SEPTIN8: variants seen among roughly 807,000 people sequenced by gnomAD.
SEPTIN8 encodes septin 8.
In SEPTIN8, 22 loss-of-function variants were observed where a neutral mutation model predicts 53.1. That is an observed-to-expected ratio of 0.41 (90% CI 0.30 to 0.59). SEPTIN8 has a LOEUF of 0.59. SEPTIN8 is among the 20% of genes least tolerant of loss of function. The pLI, the probability that SEPTIN8 is intolerant of heterozygous loss-of-function variation, is 0.24. For missense variants in SEPTIN8, 536 were observed against 638.7 expected, an observed-to-expected ratio of 0.84 and a Z score of 1.73; for synonymous variants, 228 against 248.4, an observed-to-expected ratio of 0.92 and a Z score of 0.77.
chr5:132,775,033 C>G (rs1757659387), intron 1 of SEPTIN8, among the ~76,000 whole-genome samples: 1 of 152,186 alleles, frequency 6.6e-6, no homozygotes. Context: ...GCTGACAGCC[C>G]AAAGTGCAGA....
At position 132,762,518 on chromosome 5, in the gene SEPTIN8, T is replaced by A; in HGVS notation, c.662A>T (p.Asp221Val). ...TGCGTTAATCTCTGCAACAGCCTCA[T>A]CATCCGTGGGGAACTGGTAGATCTG... ...GVQIYQFPTD[D>V]EAVAEINAVM... The change falls in exon 5 of 10, where the codon GAT (aspartate) becomes GTT (valine). Residue 221 changes from aspartate to valine, a missense_variant. Asp to Val is a radical substitution (Grantham distance 152). This residue lies in a region of SEPTIN8 where 395 missense variants were observed against 451.8 expected (regional missense o/e 0.87). Transcript: ENST00000378719. The A allele has an allele frequency of 6.2e-7, 1 of 1,614,246 alleles. No individual in the cohort carries two copies.
Position 132,777,014 on chromosome 5 carries a change from C to T in SEPTIN8, c.30+94G>A. 3.7e-6 allele frequency: 3 copies of T among 821,028 alleles called. No homozygotes were observed. Among genetic ancestry groups the T allele is most frequent in the Non-Finnish European group, 4.7e-6 (3 of 642,284 alleles). 50.9% of individuals were successfully genotyped at this position (821,028 alleles called of 1,614,324 possible). ...GGTGTCGAGGCCCGGCCGTGAGGCG[C>T]TGACAGCCCGCTTCGCGCCCCCCGC... On this transcript the variant is annotated intron_variant, in intron 1 of 9. Transcript: ENST00000378719. The surrounding 1 kb of genome is among the most constrained non-coding windows in gnomAD (Gnocchi z 4.1).
chr5:132,759,839 G>C (rs748837884), intron 9 of SEPTIN8, among the ~76,000 whole-genome samples: 15 of 152,182 alleles, frequency 9.9e-5, no homozygotes, highest in Non-Finnish European at 1.6e-4. Flanking sequence ...GGGTGGGCGA[G>C]GGTGAGCCCC....
At chr5:132,757,052 CT>C in intron 9 of SEPTIN8, 1 of 985,394 alleles carries the variant, frequency 1.0e-6, no homozygotes, top group Non-Finnish European at 1.2e-6. Flanking sequence ...GCCAGTTTAC[CT>C]TTTTAGATAC....
chr5:132,765,564 A>G, intron 1 of SEPTIN8, 35 bp from the exon 2 acceptor site: 1 of 1,546,468 alleles, frequency 6.5e-7, no homozygotes, highest in Non-Finnish European at 8.7e-7. Flanking sequence ...ACATGAGCCC[A>G]CTGGGGAAGA....
Position 132,751,844 on chromosome 5 carries a change from T to G in SEPTIN8, c.*172A>C, listed in dbSNP as rs1581121453. On this transcript the variant is annotated 3_prime_UTR_variant, in exon 10 of 10. Coordinates refer to ENST00000378719, the MANE Select transcript of SEPTIN8 (RefSeq NM_001098811.2). ...CCCCTTACGGAGCCATGGATAGGAA[T>G]GAAAAGGGTTGGGCAACATTTGATG... 1 of 1,203,190 alleles carries G rather than the reference T, an allele frequency of 8.3e-7. No homozygotes were observed. Among genetic ancestry groups the G allele is most frequent in the East Asian group, 2.6e-5 (1 of 39,120 alleles). The allele number at this position is 1,203,190 out of a possible 1,614,324, so 74.5% of individuals were successfully genotyped here.
intron 1 of SEPTIN8, among the ~76,000 whole-genome samples, chr5:132,767,869 G>T (rs1393012927): frequency 6.6e-6 from 1 of 151,312 alleles, no homozygotes; most frequent in African/African-American, 2.4e-5. Flanking sequence ...CTTCCAAGGG[G>T]TGACACAATC....
rs1755730396 is a variant in SEPTIN8, at chr5:132,760,001, T to C, written c.1286+801A>G. On this transcript the variant is annotated intron_variant, in intron 9 of 9. Transcript: ENST00000378719. The surrounding 1 kb of genome is among the most constrained non-coding windows in gnomAD (Gnocchi z 5.2). ...GCCTCCCTGCCATCCAGTCTTTCTC[T>C]CCTCTCTCCACTCTGCAGGAACAAC... is the stretch of plus-strand genomic sequence containing the variant. Among the ~76,000 whole-genome samples, 2 of 151,918 alleles carry C rather than the reference T, an allele frequency of 1.3e-5. No homozygotes were observed. The highest frequency in any genetic ancestry group is 4.2e-4 in the South Asian group (2 of 4,816).
At chr5:132,770,016 TATATATACAC>T (rs1235814281) in intron 1 of SEPTIN8, among the ~76,000 whole-genome samples, 2 of 59,602 alleles carry the variant, frequency 3.4e-5, no homozygotes, top group African/African-American at 1.8e-4. Context: ...TATATATATA[TATATATACAC>T]ACACATATAT....
intron 1 of SEPTIN8, among the ~76,000 whole-genome samples, chr5:132,768,280 G>A (rs1756830210): frequency 6.6e-6 from 1 of 151,802 alleles, no homozygotes; most frequent in Admixed American, 6.6e-5. Context: ...TAGGAGCCCC[G>A]GGGACCAGTC....
At position 132,762,025 on chromosome 5, in the gene SEPTIN8, C is replaced by T. The variant is rs1375736902; in HGVS notation, c.697-129G>A. ...CAAAGGCTCCAGGGCCAGATGCTTA[C>T]TTCCTGGCTCTCTTCTGGAGAAATG... On this transcript the variant is annotated intron_variant, in intron 5 of 9. Coordinates refer to ENST00000378719, the MANE Select transcript of SEPTIN8 (RefSeq NM_001098811.2). The T allele has an allele frequency of 4.2e-6, 3 of 722,276 alleles. No individual in the cohort carries two copies. In the African/African-American group the frequency reaches 5.3e-5, roughly 13 times the overall value. The allele number at this position is 722,276 out of a possible 1,614,324, so 44.7% of individuals were successfully genotyped here.
chr5:132,761,144 TCTC>T lies in SEPTIN8; in HGVS notation c.1081_1083del (p.Glu361del). 6.2e-7 allele frequency: 1 copy of T among 1,614,182 alleles called. No homozygotes were observed. The highest frequency in any genetic ancestry group is 8.5e-7 in the Non-Finnish European group (1 of 1,180,032). On this transcript the variant is annotated inframe_deletion, in exon 8 of 10. Transcript: ENST00000378719. The surrounding 1 kb of genome is among the most constrained non-coding windows in gnomAD (Gnocchi z 5.8). ...AGCCTGGCACATACCTCCCTTTCCT[TCTC>T]CTTCAGCTCCAGCTCTGTCTCCTTC...
At chr5:132,757,694 A>C in intron 9 of SEPTIN8, 2 of 985,458 alleles carry the variant, frequency 2.0e-6, no homozygotes, top group Non-Finnish European at 2.4e-6. Context: ...ACCAGGCCGT[A>C]TTCTCAACAC....
intron 1 of SEPTIN8, among the ~76,000 whole-genome samples, chr5:132,775,236 G>C (rs941477920): frequency 6.6e-6 from 1 of 152,230 alleles, no homozygotes; most frequent in Non-Finnish European, 1.5e-5. Context: ...CCAGCCCACA[G>C]CATGGCCTCT....
intron 1 of SEPTIN8, among the ~76,000 whole-genome samples, chr5:132,767,943 CCACACACACACACA>C (rs57640097): frequency 3.0e-4 from 38 of 127,974 alleles, no homozygotes; most frequent in Admixed American, 4.1e-4. Flanking sequence ...TGTCTGGAAA[CCACACACACACACA>C]CACACACACA....
Position 132,768,085 on chromosome 5 carries a change from G to C in SEPTIN8, c.31-2556C>G, listed in dbSNP as rs148486652. ...GCCCCAGAGGCTAAGTGTAGCACTG[G>C]GGGTTCTTGGGGTGGGTCTCACATA... On this transcript the variant is annotated intron_variant, in intron 1 of 9. Coordinates refer to ENST00000378719, the MANE Select transcript of SEPTIN8 (RefSeq NM_001098811.2). Among the ~76,000 whole-genome samples the C allele has an allele frequency of 3.7e-4, 56 of 151,932 alleles. No homozygotes were observed. The East Asian group carries it at 0.01, about 28-fold the overall frequency.
At position 132,758,859 on chromosome 5, in the gene SEPTIN8, C is replaced by A. The variant is rs752401439; in HGVS notation, c.1286+1943G>T. 6.9e-6 allele frequency: 11 copies of A among 1,595,226 alleles called. No individual in the cohort carries two copies. The South Asian group carries it at 1.2e-4, about 18-fold the overall frequency. ...AAAAATAAAACAAACAAAACAAAAA[C>A]AGACACATTAAAAGATATGCAGACC... is the stretch of plus-strand genomic sequence containing the variant. On this transcript the variant is annotated intron_variant, in intron 9 of 9. Transcript: ENST00000378719.
Position 132,765,544 on chromosome 5 carries a change from A to G in SEPTIN8, c.31-15T>C, listed in dbSNP as rs776384906. On this transcript the variant is annotated splice_polypyrimidine_tract_variant and intron_variant, in intron 1 of 9. Coordinates refer to ENST00000378719, the MANE Select transcript of SEPTIN8 (RefSeq NM_001098811.2). ...GGCTCTGCATTCTGCCAAGAGAGAAATAAAGCAAGACATGAGCCCACTGGG... is the reference window on the plus strand; with the variant it reads ...GGCTCTGCATTCTGCCAAGAGAGAAGTAAAGCAAGACATGAGCCCACTGGG... The G allele has an allele frequency of 1.0e-5, 16 of 1,576,350 alleles. 1 individual carries two copies. In the South Asian group the frequency reaches 1.9e-4, roughly 19 times the overall value.
chr5:132,777,175 G>A lies in SEPTIN8; in HGVS notation c.-38C>T, dbSNP rs1188401022. 8.6e-7 allele frequency: 1 copy of A among 1,165,240 alleles called. No individual in the cohort carries two copies. The allele number at this position is 1,165,240 out of a possible 1,614,324, so 72.2% of individuals were successfully genotyped here. ...ACCGGGCGGGTGGGCTGGGACGAGC[G>A]CAGGGGCAGCGACAGGGACCAGCCG... On this transcript the variant is annotated 5_prime_UTR_variant, in exon 1 of 10. Transcript: ENST00000378719. The surrounding 1 kb of genome is among the most constrained non-coding windows in gnomAD (Gnocchi z 4.1).
Sources: gnomAD v4.1 joint callset for allele counts (sites outside exome capture counted in the v4.1 genomes callset) on GRCh38, gnomAD v4.1.1 for gene constraint, gnomAD v4.1.1 regional missense constraint, Gnocchi (gnomAD v3.1) non-coding constraint, MANE v1.5 for transcripts, NCBI Gene and HGNC (gene_info 2026-07-23, HGNC 2026-07-21) for gene names.